The following SEC14L3 variants were observed in gnomAD, a reference collection of about 807,000 sequenced individuals.
The protein encoded by SEC14L3 is SEC14-like protein 3.
In SEC14L3, 56 loss-of-function variants were observed where a neutral mutation model predicts 57.4. The ratio of observed to expected loss-of-function variants is 0.97; its 90% CI spans 0.79 to 1.22. The LOEUF (loss-of-function observed/expected upper bound fraction) is 1.22. Among genes scored for constraint, SEC14L3 ranks in the 50% most tolerant of loss-of-function variants. The probability of loss-of-function intolerance (pLI) is 0.00; values close to 1 mark genes in which losing one functional copy is unlikely to be tolerated. For synonymous variants in SEC14L3, 173 were observed against 194.4 expected (o/e 0.89, Z 0.92); for missense variants, 485 against 511.7 (o/e 0.95, Z 0.50).
intron 3 of SEC14L3, 34 bp from the exon 4 acceptor site, chr22:30,470,112 G>A (rs752748376): frequency 1.2e-6 from 2 of 1,608,570 alleles, no homozygotes; most frequent in South Asian, 1.1e-5. Context: ...ATCCCACTGG[G>A]CTCCCAGTGC....
chr22:30,466,808 C>T (rs1224276351), intron 6 of SEC14L3, among the ~76,000 whole-genome samples, 174 bp downstream of exon 6: 1 of 151,998 alleles, frequency 6.6e-6, no homozygotes, highest in Non-Finnish European at 1.5e-5. Context: ...GTCCCTGAAA[C>T]CCATTCTGTG....
chr22:30,470,696 T>C, intron 1 of SEC14L3, 114 bp from the exon 2 acceptor site: 1 of 1,540,288 alleles, frequency 6.5e-7, no homozygotes, highest in Non-Finnish European at 8.8e-7. Flanking sequence ...TGGCCCACAT[T>C]GATGAAAGGA....
intron 11 of SEC14L3, 54 bp downstream of exon 11, chr22:30,461,256 T>C (rs1362908295): frequency 3.3e-6 from 5 of 1,529,076 alleles, no homozygotes; most frequent in Non-Finnish European, 8.8e-7. Flanking sequence ...CTCTAAAGCA[T>C]GGGACAGGTG....
At chr22:30,448,833 A>C in exon 13 of SEC14L3, 1 of 406,924 alleles carries the variant, frequency 2.5e-6, no homozygotes, top group Non-Finnish European at 4.4e-6. Context: ...TCAAGGTTGC[A>C]GTGAGCTATG....
intron 9 of SEC14L3, 109 bp downstream of exon 9, chr22:30,461,977 C>G: frequency 8.2e-7 from 1 of 1,221,688 alleles, no homozygotes. Flanking sequence ...TAGCTTAACA[C>G]CCAGTTCTTG....
chr22:30,452,341 C>G (rs1156547896), intron 12 of SEC14L3, among the ~76,000 whole-genome samples: 1 of 150,496 alleles, frequency 6.6e-6, no homozygotes, highest in Non-Finnish European at 1.5e-5. Context: ...CTCCGCCTCC[C>G]GGGTTCGATT....
intron 12 of SEC14L3, among the ~76,000 whole-genome samples, chr22:30,450,650 G>A (rs142842133): frequency 1.6e-3 from 251 of 152,146 alleles, no homozygotes; most frequent in African/African-American, 5.6e-3. Context: ...AGACCTCTCC[G>A]TTTCAAGTTA....
At position 30,466,396 on chromosome 22, in the gene SEC14L3, T is replaced by C. The variant is rs1202870526; in HGVS notation, c.520-2A>G. The C allele has an allele frequency of 2.5e-6, 4 of 1,614,006 alleles. No individual in the cohort carries two copies. In the African/African-American group the frequency reaches 5.3e-5, roughly 22 times the overall value. On this transcript the variant is annotated splice_acceptor_variant, in intron 6 of 11. Transcript: ENST00000215812. LOFTEE classifies it high-confidence loss of function. ...ATTCTCTTCAAGGAGGCCAAAGAACTGTGGAACCAAGAGAGATCCCTTCAG... is the reference window on the plus strand; with the variant it reads ...ATTCTCTTCAAGGAGGCCAAAGAACCGTGGAACCAAGAGAGATCCCTTCAG...
intron 1 of SEC14L3, chr22:30,471,059 T>A (rs9619110): frequency 6.3e-6 from 2 of 315,276 alleles, no homozygotes; most frequent in Admixed American, 4.7e-5. Flanking sequence ...CTGAGGTTGG[T>A]GGATCACCTG....
downstream of SEC14L3, among the ~76,000 whole-genome samples, chr22:30,458,331 T>C (rs576745993): frequency 6.6e-6 from 1 of 152,182 alleles, no homozygotes; most frequent in Admixed American, 6.5e-5. Flanking sequence ...GCGGACAGGA[T>C]GCTGAGCTGA....
At chr22:30,465,430 C>T (rs985218196) in intron 7 of SEC14L3, among the ~76,000 whole-genome samples, 8 of 151,948 alleles carry the variant, frequency 5.3e-5, no homozygotes, top group Non-Finnish European at 8.8e-5. Flanking sequence ...AACCAGTCAT[C>T]CAACCATCCA....
In SEC14L3 at chr22:30,466,356, C is replaced by T; in HGVS notation, c.558G>A (p.Leu186=). ...TACCTTTCACGATGAGCATGAACTT[C>T]AGGGTCTCTGGGTAATTCTCTTCAA... ...GLLEENYPET[L]KFMLIVKATK... is the part of the protein sequence containing the mutation. Residue 186 remains leucine (L), a synonymous_variant, in exon 7 of 12, where the codon CTG becomes CTA. Transcript: ENST00000215812. 1 of 1,614,134 alleles carries T rather than the reference C, an allele frequency of 6.2e-7. No homozygotes were observed. The highest frequency in any genetic ancestry group is 8.5e-7 in the Non-Finnish European group (1 of 1,179,992).
At chr22:30,469,275 C>T in intron 4 of SEC14L3, among the ~76,000 whole-genome samples, 1 of 150,882 alleles carries the variant, frequency 6.6e-6, no homozygotes, top group East Asian at 2.0e-4. Flanking sequence ...CATGACACTG[C>T]ACACCAGCCT....
In SEC14L3 at chr22:30,471,945, A is replaced by G. The variant is rs746994640; in HGVS notation, c.14T>C (p.Val5Ala). 64 of 1,608,194 alleles carry G rather than the reference A, an allele frequency of 4.0e-5. No individual in the cohort carries two copies. The East Asian group carries it at 1.4e-3, about 35-fold the overall frequency. The part of the protein sequence containing the change: MSGR[V>A]GDLSPKQAET... ...TGCCTGTTTGGGGCTCAGGTCTCCA[A>G]CTCGGCCGCTCATGGTGCTGGCTGG... Residue 5 changes from valine to alanine, a missense_variant, in exon 1 of 12, where the codon GTT becomes GCT. Transcript: ENST00000215812.
intron 2 of SEC14L3, 49 bp downstream of exon 2, chr22:30,470,458 G>A (rs1569232675): frequency 1.9e-6 from 3 of 1,612,402 alleles, no homozygotes; most frequent in Non-Finnish European, 2.5e-6. Context: ...TTGAGACCAG[G>A]CCCCTCTTGA....
chr22:30,457,811 C>T (rs1292932562), downstream of SEC14L3, among the ~76,000 whole-genome samples: 1 of 151,992 alleles, frequency 6.6e-6, no homozygotes, highest in Non-Finnish European at 1.5e-5. Context: ...AGTCTTGTCC[C>T]ATTCTGACAA....
downstream of SEC14L3, among the ~76,000 whole-genome samples, chr22:30,457,539 C>G (rs2146094108): frequency 6.6e-6 from 1 of 151,962 alleles, no homozygotes; most frequent in South Asian, 2.1e-4. Context: ...TGTGCTACCT[C>G]CCCAGGCTAA....
intron 12 of SEC14L3, chr22:30,449,324 C>T: frequency 6.6e-7 from 1 of 1,517,946 alleles, no homozygotes; most frequent in South Asian, 1.2e-5. Flanking sequence ...GTCACCAATA[C>T]TAAGGCATAT....
chr22:30,462,982 G>A (rs573947289), intron 8 of SEC14L3, among the ~76,000 whole-genome samples: 22 of 151,924 alleles, frequency 1.4e-4, no homozygotes, highest in Admixed American at 5.9e-4. Flanking sequence ...TGATCCACCC[G>A]CCTCGGCCTC....
Sources: gnomAD v4.1 joint callset for allele counts (sites outside exome capture counted in the v4.1 genomes callset) on GRCh38, gnomAD v4.1.1 for gene constraint, MANE v1.5 for transcripts, NCBI Gene and HGNC (gene_info 2026-07-23, HGNC 2026-07-21) for gene names.